Variants in GABRB2 observed in about 807,000 individuals in gnomAD.
GABRB2 encodes the protein gamma-aminobutyric acid receptor subunit beta-2.
Under a neutral mutation model 54.7 loss-of-function variants are expected in GABRB2, and 16 were observed. The ratio of observed to expected loss-of-function variants is 0.29; its 90% CI spans 0.20 to 0.44. GABRB2 has a LOEUF of 0.44. GABRB2 is among the 20% of genes least tolerant of loss of function. GABRB2 has a pLI of 1.00. For missense variants in GABRB2, 355 were observed against 644.0 expected, an observed-to-expected ratio of 0.55 and a Z score of 4.86; for synonymous variants, 244 against 233.8, an observed-to-expected ratio of 1.04 and a Z score of -0.40.
intron 5 of GABRB2, among the ~76,000 whole-genome samples, chr5:161,356,032 A>ATG (rs1754616428): frequency 6.6e-6 from 1 of 152,124 alleles, no homozygotes; most frequent in Non-Finnish European, 1.5e-5. Flanking sequence ...AGGGGTGGAT[A>ATG]TGTGGTTTTA....
At chr5:161,428,951 T>C (rs1361954466) in intron 4 of GABRB2, among the ~76,000 whole-genome samples, 3 of 152,092 alleles carry the variant, frequency 2.0e-5, no homozygotes, top group African/African-American at 7.2e-5. Flanking sequence ...GAAAAAGCAT[T>C]TCCACAAATT....
intron 9 of GABRB2, among the ~76,000 whole-genome samples, chr5:161,299,449 C>G (rs1229384237): frequency 3.3e-5 from 5 of 152,246 alleles, no homozygotes; most frequent in Non-Finnish European, 7.4e-5. Flanking sequence ...CCCAAATCAA[C>G]AGAATCTGCT....
At chr5:161,299,315 A>G (rs1757469954) in intron 9 of GABRB2, among the ~76,000 whole-genome samples, 2 of 152,306 alleles carry the variant, frequency 1.3e-5, no homozygotes, top group Admixed American at 6.5e-5. Flanking sequence ...TTCTGACACC[A>G]TAATTGACTC....
intron 3 of GABRB2, among the ~76,000 whole-genome samples, chr5:161,530,586 C>A (rs897384142): frequency 6.6e-6 from 1 of 152,048 alleles, no homozygotes; most frequent in South Asian, 2.1e-4. Flanking sequence ...CTTCCAATGT[C>A]TTATAGAAGA....
intron 4 of GABRB2, among the ~76,000 whole-genome samples, chr5:161,423,217 T>C (rs1756900549): frequency 6.6e-6 from 1 of 152,188 alleles, no homozygotes; most frequent in African/African-American, 2.4e-5. Flanking sequence ...TGATAAAAGT[T>C]ATCAATCATT....
chr5:161,366,497 A>G (rs1228718908), intron 5 of GABRB2, among the ~76,000 whole-genome samples: 1 of 152,088 alleles, frequency 6.6e-6, no homozygotes, highest in Non-Finnish European at 1.5e-5. Context: ...TTTAACTAAA[A>G]ATTTTTTTTC....
At chr5:161,455,218 CA>C in intron 4 of GABRB2, among the ~76,000 whole-genome samples, 1 of 150,924 alleles carries the variant, frequency 6.6e-6, no homozygotes, top group East Asian at 2.0e-4. Context: ...CATGCTTTTG[CA>C]GAAAGAAAAT....
At chr5:161,502,275 T>C (rs1294937875) in intron 3 of GABRB2, among the ~76,000 whole-genome samples, 2 of 152,034 alleles carry the variant, frequency 1.3e-5, no homozygotes, top group African/African-American at 2.4e-5. Context: ...TATTCCAGTA[T>C]AAATTATGAT....
chr5:161,299,925 A>G (rs1400428633), intron 9 of GABRB2, among the ~76,000 whole-genome samples: 2 of 152,222 alleles, frequency 1.3e-5, no homozygotes, highest in Admixed American at 1.3e-4. Flanking sequence ...CTATTACAAT[A>G]ATACCATCTT....
intron 4 of GABRB2, among the ~76,000 whole-genome samples, chr5:161,411,632 G>A (rs776336517): frequency 6.6e-6 from 1 of 151,962 alleles, no homozygotes; most frequent in Non-Finnish European, 1.5e-5. Context: ...ATGTTTTCAT[G>A]ATCCCCTAGA....
chr5:161,524,794 A>T (rs1364104261), intron 3 of GABRB2, among the ~76,000 whole-genome samples: 1 of 151,366 alleles, frequency 6.6e-6, no homozygotes, highest in African/African-American at 2.4e-5. Context: ...ACTACTAAAG[A>T]TATTTTGCTT....
At chr5:161,429,377 A>G (rs898777067) in intron 4 of GABRB2, among the ~76,000 whole-genome samples, 1 of 149,508 alleles carries the variant, frequency 6.7e-6, no homozygotes, top group Non-Finnish European at 1.5e-5. Context: ...AAAAAAAAGA[A>G]ATCCTGAAAT....
intron 3 of GABRB2, among the ~76,000 whole-genome samples, chr5:161,471,905 A>G (rs895999892): frequency 6.6e-6 from 1 of 151,978 alleles, no homozygotes; most frequent in East Asian, 1.9e-4. Context: ...AATACTTAAC[A>G]TTGTCCCTAG....
At chr5:161,444,077 T>C (rs961729115) in intron 4 of GABRB2, among the ~76,000 whole-genome samples, 13 of 152,280 alleles carry the variant, frequency 8.5e-5, no homozygotes, top group African/African-American at 3.1e-4. Context: ...GGGGCTTAAA[T>C]ACTTAATATT....
In GABRB2 at chr5:161,294,317, C is replaced by T. The variant is rs1274082991; in HGVS notation, c.1303G>A (p.Asp435Asn). 2 of 1,614,006 alleles carry T rather than the reference C, an allele frequency of 1.2e-6. No individual in the cohort carries two copies. The highest frequency in any genetic ancestry group is 3.3e-5 in the Admixed American group (2 of 59,992). Residue 435 changes from aspartate to asparagine, a missense_variant, in exon 10 of 10, where the codon GAT becomes AAT. This residue lies in a region of GABRB2 where 201 missense variants were observed against 228.1 expected (regional missense o/e 0.88). Coordinates refer to ENST00000393959, the MANE Select transcript of GABRB2 (RefSeq NM_001371727.1). ...GDPRSTMLAY[D>N]ASSIQYRKAG... ...TTCCGATACTGGATGCTGGAGGCAT[C>T]ATAGGCTAGCATTGTGCTTCTGGGG... is the stretch of plus-strand genomic sequence containing the variant.
At position 161,492,674 on chromosome 5, in the gene GABRB2, G is replaced by T. The variant is rs1293277750; in HGVS notation, c.238-32830C>A. ...TTTGGTCATAAATTCTAATAATGAAGTATACAACGTAAAAAGGAAATGCTC... is the reference window on the plus strand; with the variant it reads ...TTTGGTCATAAATTCTAATAATGAATTATACAACGTAAAAAGGAAATGCTC... On this transcript the variant is annotated intron_variant, in intron 3 of 9. Coordinates refer to ENST00000393959, the MANE Select transcript of GABRB2 (RefSeq NM_001371727.1). Among the ~76,000 whole-genome samples, 8 of 151,390 alleles carry T rather than the reference G, an allele frequency of 5.3e-5. No individual in the cohort carries two copies. The East Asian group carries it at 1.6e-3, about 29-fold the overall frequency.
chr5:161,455,850 C>G (rs922044570), intron 4 of GABRB2, among the ~76,000 whole-genome samples: 13 of 152,062 alleles, frequency 8.5e-5, no homozygotes, highest in Non-Finnish European at 1.5e-5. Flanking sequence ...GACATTCAAA[C>G]AGACAAGCTG....
chr5:161,525,927 T>A (rs1248261612), intron 3 of GABRB2, among the ~76,000 whole-genome samples: 2 of 151,296 alleles, frequency 1.3e-5, no homozygotes, highest in African/African-American at 4.8e-5. Flanking sequence ...CATGCACATA[T>A]CTACATGTAT....
chr5:161,388,236 AT>A (rs1334741622), intron 5 of GABRB2, among the ~76,000 whole-genome samples: 4 of 152,138 alleles, frequency 2.6e-5, no homozygotes, highest in Non-Finnish European at 5.9e-5. Context: ...TGTCTCCTTA[AT>A]TCCAACTTGT....
Sources: allele counts gnomAD v4.1 joint callset (sites outside exome capture counted in the v4.1 genomes callset), GRCh38; gene constraint gnomAD v4.1.1; regional missense constraint gnomAD v4.1.1; transcripts MANE v1.5; gene names NCBI Gene and HGNC (gene_info 2026-07-23, HGNC 2026-07-21).